DLG2: variants seen among roughly 807,000 people sequenced by gnomAD.
The protein encoded by DLG2 is discs large MAGUK scaffold protein 2.
Under a neutral mutation model 132.5 loss-of-function variants are expected in DLG2, and 45 were observed. That is an observed-to-expected ratio of 0.34 (90% CI 0.27 to 0.44). The LOEUF is 0.44. Among genes scored for constraint, DLG2 ranks in the 20% least tolerant of loss-of-function variants. The probability of loss-of-function intolerance (pLI) is 1.00; values close to 1 mark genes in which losing one functional copy is unlikely to be tolerated. For synonymous variants in DLG2, 424 were observed against 419.6 expected, an observed-to-expected ratio of 1.01 and a Z score of -0.13; for missense variants, 1,045 against 1,196.9, an observed-to-expected ratio of 0.87 and a Z score of 1.87.
chr11:83,635,968 A>G (rs1036920427), intron 18 of DLG2, among the ~76,000 whole-genome samples: 13 of 152,186 alleles, frequency 8.5e-5, no homozygotes, highest in African/African-American at 3.1e-4. Flanking sequence ...TGTCTGGAAC[A>G]CAGATCAAGA....
At chr11:85,341,674 G>A (rs958479272) in intron 3 of DLG2, among the ~76,000 whole-genome samples, 2 of 151,982 alleles carry the variant, frequency 1.3e-5, no homozygotes. Flanking sequence ...TGTACTTTTA[G>A]GACAAAAGTA....
At chr11:84,450,407 CTTT>C (rs34295402) in intron 7 of DLG2, among the ~76,000 whole-genome samples, 5 of 137,488 alleles carry the variant, frequency 3.6e-5, no homozygotes, top group African/African-American at 5.2e-5. Flanking sequence ...ACAAGAAGTA[CTTT>C]TTTTTTTTTT....
intron 17 of DLG2, among the ~76,000 whole-genome samples, chr11:83,804,380 G>C (rs2045341395): frequency 6.6e-6 from 1 of 151,906 alleles, no homozygotes; most frequent in Non-Finnish European, 1.5e-5. Context: ...TACTATGCTA[G>C]TTCTAAGCAT....
intron 6 of DLG2, among the ~76,000 whole-genome samples, chr11:84,985,973 C>CA (rs2056424075): frequency 1.9e-5 from 2 of 102,876 alleles, no homozygotes; most frequent in Non-Finnish European, 1.7e-5. Context: ...GCCTGGGCAA[C>CA]GGAGCAAGAC....
At chr11:84,422,358 A>C (rs753533760) in intron 7 of DLG2, among the ~76,000 whole-genome samples, 4 of 152,188 alleles carry the variant, frequency 2.6e-5, no homozygotes, top group Non-Finnish European at 5.9e-5. Context: ...TTAATAGCCT[A>C]CCGCAGTTCT....
chr11:83,488,320 T>G (rs2137926792), intron 21 of DLG2, among the ~76,000 whole-genome samples: 1 of 152,144 alleles, frequency 6.6e-6, no homozygotes, highest in Admixed American at 6.6e-5. Context: ...TGACAGACAT[T>G]AGAACACCCA....
At position 84,639,327 on chromosome 11, in the gene DLG2, C is replaced by T. The variant is rs529840472; in HGVS notation, c.358-104596G>A. Among the ~76,000 whole-genome samples, 11 of 147,888 alleles carry T rather than the reference C, an allele frequency of 7.4e-5. No homozygotes were observed. In the South Asian group the frequency reaches 1.9e-3, roughly 26 times the overall value. On this transcript the variant is annotated intron_variant, in intron 6 of 27. Transcript: ENST00000376104. ...ATGTTCTGAAATGGCAATACAACTG[C>T]AGCATATTGCAGATATCTGTGTTTT... is the stretch of plus-strand genomic sequence containing the variant.
At chr11:84,052,647 T>C (rs1412077009) in intron 11 of DLG2, among the ~76,000 whole-genome samples, 1 of 130,990 alleles carries the variant, frequency 7.6e-6, no homozygotes, top group Non-Finnish European at 1.6e-5. Context: ...CACAATGAGA[T>C]ACCATCTCAC....
chr11:84,650,877 A>G (rs1049613249), intron 6 of DLG2, among the ~76,000 whole-genome samples: 89 of 82,874 alleles, frequency 1.1e-3, no homozygotes, highest in African/African-American at 1.6e-3. Flanking sequence ...GTGTGTGTAT[A>G]TATATATATA....
At chr11:85,174,366 T>A (rs184676437) in intron 4 of DLG2, among the ~76,000 whole-genome samples, 1 of 152,196 alleles carries the variant, frequency 6.6e-6, no homozygotes, top group Admixed American at 6.5e-5. Context: ...TGCTCCTGAA[T>A]GACACTTTGG....
intron 6 of DLG2, among the ~76,000 whole-genome samples, chr11:84,996,726 A>G (rs2057686426): frequency 6.6e-6 from 1 of 152,218 alleles, no homozygotes; most frequent in Non-Finnish European, 1.5e-5. Context: ...AGGTAACATG[A>G]AATCACACCA....
At position 83,499,850 on chromosome 11, in the gene DLG2, G is replaced by GAGAT. The variant is rs1184501133; in HGVS notation, c.2194-15626_2194-15623dup. On this transcript the variant is annotated intron_variant, in intron 21 of 27. Transcript: ENST00000376104. Reference sequence around the variant, plus strand: ...ATATATATATTTCCTCCACTAATAGGAGATATATATATATATATATATATA... The same window carrying GAGAT: ...ATATATATATTTCCTCCACTAATAGGAGATAGATATATATATATATATATATATA... Among the ~76,000 whole-genome samples, 7 of 58,768 alleles carry GAGAT rather than the reference G, an allele frequency of 1.2e-4. No homozygotes were observed. The East Asian group carries it at 2.1e-3, about 17-fold the overall frequency. The allele number at this position is 58,768 out of a possible 152,430, so 38.6% of individuals were successfully genotyped here.
rs1015277647 is a variant in DLG2, at chr11:84,881,281, C to G, written c.357+230380G>C. 3.3e-5 allele frequency among the ~76,000 whole-genome samples: 5 copies of G among 152,212 alleles called. No homozygotes were observed. In the East Asian group the frequency reaches 9.7e-4, roughly 29 times the overall value. The stretch of plus-strand genomic sequence containing the variant: ...TACAAGATGTAACTAATTCCATGTT[C>G]TCCATGTCAGCTTCCCAACAGAAGG... On this transcript the variant is annotated intron_variant, in intron 6 of 27. Coordinates refer to ENST00000376104, the MANE Select transcript of DLG2 (RefSeq NM_001142699.3).
intron 5 of DLG2, among the ~76,000 whole-genome samples, chr11:85,150,343 T>A (rs1481184293): frequency 6.6e-6 from 1 of 152,062 alleles, no homozygotes; most frequent in Non-Finnish European, 1.5e-5. Context: ...TATTATTGTA[T>A]CATAAGAAGA....
chr11:84,583,740 T>C (rs1011360220), intron 6 of DLG2, among the ~76,000 whole-genome samples: 3 of 152,184 alleles, frequency 2.0e-5, no homozygotes, highest in Non-Finnish European at 4.4e-5. Flanking sequence ...TTAGTGTATA[T>C]ATACAAATCT....
At chr11:85,581,997 G>C (rs1018320315) in intron 3 of DLG2, among the ~76,000 whole-genome samples, 1 of 152,180 alleles carries the variant, frequency 6.6e-6, no homozygotes, top group African/African-American at 2.4e-5. Flanking sequence ...TAAATTTAAA[G>C]TGAAAACAGT....
At chr11:84,132,357 T>G (rs2154219109) in intron 9 of DLG2, among the ~76,000 whole-genome samples, 1 of 152,058 alleles carries the variant, frequency 6.6e-6, no homozygotes, top group Middle Eastern at 3.4e-3. Flanking sequence ...CCACCATGCG[T>G]TGGGGTGGTA....
rs191911975 is a variant in DLG2, at chr11:84,597,162, G to A, written c.358-62431C>T. On this transcript the variant is annotated intron_variant, in intron 6 of 27. Transcript: ENST00000376104. ...TTGAACCTAGGAGGCAGAGGTTGCAGTAAGCCGAGATTGCGCCACTGCACT... is the reference window on the plus strand; with the variant it reads ...TTGAACCTAGGAGGCAGAGGTTGCAATAAGCCGAGATTGCGCCACTGCACT... 1.3e-4 allele frequency among the ~76,000 whole-genome samples: 20 copies of A among 152,246 alleles called. No individual in the cohort carries two copies. The East Asian group carries it at 3.7e-3, about 28-fold the overall frequency.
chr11:83,596,914 C>T (rs1262329684), intron 19 of DLG2, among the ~76,000 whole-genome samples: 1 of 151,996 alleles, frequency 6.6e-6, no homozygotes, highest in Non-Finnish European at 1.5e-5. Flanking sequence ...AATTGTTCTC[C>T]TCTCTCAGTT....
Sources: allele counts gnomAD v4.1 joint callset (sites outside exome capture counted in the v4.1 genomes callset), GRCh38; gene constraint gnomAD v4.1.1; transcripts MANE v1.5; gene names NCBI Gene and HGNC (gene_info 2026-07-23, HGNC 2026-07-21).